Variants in DIAPH2 observed in about 807,000 individuals in gnomAD.
The protein encoded by DIAPH2 is diaphanous related formin 2.
Under a neutral mutation model 92.7 loss-of-function variants are expected in DIAPH2, and 35 were observed. The ratio of observed to expected loss-of-function variants is 0.38; its 90% CI spans 0.29 to 0.50. The LOEUF is 0.50. Among genes scored for constraint, DIAPH2 ranks in the 20% least tolerant of loss-of-function variants. The pLI is 0.94. For missense variants in DIAPH2, 701 were observed against 819.5 expected, an observed-to-expected ratio of 0.86 and a Z score of 1.77; for synonymous variants, 301 against 280.4, an observed-to-expected ratio of 1.07 and a Z score of -0.73.
chrX:97,383,961 G>A lies in DIAPH2; in HGVS notation c.3062G>A (p.Arg1021Lys), dbSNP rs1456669469. 8.3e-6 allele frequency: 10 copies of A among 1,203,039 alleles called. No individual in the cohort carries two copies. The highest frequency in any genetic ancestry group is 7.0e-5 in the African/African-American group (4 of 56,802). Residue 1021 changes from arginine to lysine, a missense_variant, in exon 25 of 27, where the codon AGG (arginine) becomes AAG (lysine). This residue lies in a region of DIAPH2 where 536 missense variants were observed against 599.3 expected (regional missense o/e 0.89). Coordinates refer to ENST00000324765, the MANE Select transcript of DIAPH2 (RefSeq NM_006729.5). ...AGAGAAATGGAAGAGAAGACCAGGA[G>A]GGCAAAACTTGCAAAAGAGAAAGCT... ...KRREMEEKTR[R>K]AKLAKEKAEQ...
chrX:96,901,882 G>C (rs939699759), intron 5 of DIAPH2, among the ~76,000 whole-genome samples: 12 of 111,107 alleles, frequency 1.1e-4, no homozygotes, highest in African/African-American at 3.9e-4. Context: ...ACATTAGGTT[G>C]TCAATTTGTG....
chrX:96,778,375 ATTATG>A (rs1457993500), intron 4 of DIAPH2, among the ~76,000 whole-genome samples: 2 of 110,611 alleles, frequency 1.8e-5, no homozygotes, highest in Non-Finnish European at 3.8e-5. Context: ...AATTGTTAAC[ATTATG>A]TTATATTTGC....
intron 24 of DIAPH2, among the ~76,000 whole-genome samples, chrX:97,356,355 C>A (rs906918978): frequency 1.8e-5 from 2 of 111,328 alleles, no homozygotes; most frequent in Non-Finnish European, 3.8e-5. Flanking sequence ...CAAATAGAGC[C>A]CTAAGGGCCC....
In DIAPH2 at chrX:97,596,260, A is replaced by G. The variant is rs771126970; in HGVS notation, c.3242-2993A>G. ...AGAATATGACAAATCATGTTACCCC[A>G]TCCTCCAATCAAGCGTGTTTTTCTG... is the stretch of plus-strand genomic sequence containing the variant. On this transcript the variant is annotated intron_variant, in intron 26 of 26. Coordinates refer to ENST00000324765, the MANE Select transcript of DIAPH2 (RefSeq NM_006729.5). Among the ~76,000 whole-genome samples, 3 of 111,827 alleles carry G rather than the reference A, an allele frequency of 2.7e-5. No individual in the cohort carries two copies. In the South Asian group the frequency reaches 1.1e-3, roughly 42 times the overall value.
chrX:97,265,583 A>G (rs971913220), intron 23 of DIAPH2, among the ~76,000 whole-genome samples: 1 of 112,078 alleles, frequency 8.9e-6, no homozygotes, highest in South Asian at 3.7e-4. Flanking sequence ...GAAAGATTCC[A>G]GACATGTAAA....
intron 16 of DIAPH2, among the ~76,000 whole-genome samples, chrX:96,962,492 C>CATATATAT (rs1356349349): frequency 4.6e-4 from 9 of 19,547 alleles, no homozygotes; most frequent in African/African-American, 1.2e-3. Context: ...CACACACACA[C>CATATATAT]ACACATATAT....
At position 97,334,935 on chromosome X, in the gene DIAPH2, C is replaced by T. The variant is rs1001199533; in HGVS notation, c.2845-13181C>T. 3.0e-5 allele frequency among the ~76,000 whole-genome samples: 3 copies of T among 99,613 alleles called. No homozygotes were observed. In the Admixed American group the frequency reaches 3.5e-4, roughly 12 times the overall value. 86.5% of individuals were successfully genotyped at this position (99,613 alleles called of 115,157 possible). On this transcript the variant is annotated intron_variant, in intron 23 of 26. Coordinates refer to ENST00000324765, the MANE Select transcript of DIAPH2 (RefSeq NM_006729.5). Reference sequence around the variant, plus strand: ...GGCGGAGGTTGCAGTGAGCCGAGAACGCACCACTGCACTCCAGCCGAGGCG... The same window carrying T: ...GGCGGAGGTTGCAGTGAGCCGAGAATGCACCACTGCACTCCAGCCGAGGCG...
chrX:96,766,553 T>TG (rs1421166009), intron 4 of DIAPH2, among the ~76,000 whole-genome samples: 1 of 111,646 alleles, frequency 9.0e-6, no homozygotes, highest in East Asian at 2.8e-4. Context: ...TTTTGCATCA[T>TG]GGTCTCAATC....
At chrX:96,938,583 A>G (rs766792408) in intron 11 of DIAPH2, among the ~76,000 whole-genome samples, 1 of 111,479 alleles carries the variant, frequency 9.0e-6, no homozygotes, top group East Asian at 2.8e-4. Context: ...AGGATATTGA[A>G]TTACATCTTG....
At chrX:97,108,982 A>G (rs2066961325) in intron 20 of DIAPH2, among the ~76,000 whole-genome samples, 1 of 111,982 alleles carries the variant, frequency 8.9e-6, no homozygotes, top group African/African-American at 3.2e-5. Flanking sequence ...GGGTGTTTAC[A>G]TCATGTCAGT....
intron 4 of DIAPH2, among the ~76,000 whole-genome samples, chrX:96,857,864 G>A (rs1026657281): frequency 8.9e-6 from 1 of 112,318 alleles, no homozygotes; most frequent in African/African-American, 3.2e-5. Context: ...TAATATATGT[G>A]CAAATGCTTG....
intron 4 of DIAPH2, among the ~76,000 whole-genome samples, chrX:96,878,833 A>T (rs1023613523): frequency 3.6e-5 from 4 of 112,282 alleles, no homozygotes; most frequent in Non-Finnish European, 7.5e-5. Flanking sequence ...TCAGCATACC[A>T]TACAGTGTCT....
chrX:97,041,413 G>C (rs977100427), intron 17 of DIAPH2, among the ~76,000 whole-genome samples: 1 of 111,313 alleles, frequency 9.0e-6, no homozygotes, highest in South Asian at 3.7e-4. Flanking sequence ...GTGCAGTGTG[G>C]GAGCTATGTT....
chrX:97,329,891 GACACACACACACAC>G (rs201851023), intron 23 of DIAPH2, among the ~76,000 whole-genome samples: 83 of 79,443 alleles, frequency 1.0e-3, no homozygotes, highest in South Asian at 1.7e-3. Flanking sequence ...TGCATTCTTA[GACACACACACACAC>G]ACACACACAC....
intron 26 of DIAPH2, among the ~76,000 whole-genome samples, chrX:97,453,606 GA>G (rs1367757874): frequency 4.5e-5 from 5 of 111,765 alleles, no homozygotes; most frequent in Non-Finnish European, 7.5e-5. Flanking sequence ...TGTCTAGTAT[GA>G]AAAGAGAAAC....
chrX:97,027,380 CTTAA>C (rs2066342684), intron 17 of DIAPH2, among the ~76,000 whole-genome samples: 2 of 112,082 alleles, frequency 1.8e-5, no homozygotes, highest in African/African-American at 6.5e-5. Context: ...CTTAGCAATA[CTTAA>C]TTGTGTTACA....
intron 17 of DIAPH2, among the ~76,000 whole-genome samples, chrX:97,025,678 C>CAAAA (rs1313813047): frequency 1.8e-5 from 2 of 109,713 alleles, no homozygotes; most frequent in Non-Finnish European, 3.8e-5. Context: ...AACAAACAAA[C>CAAAA]AAAAAAACAA....
At chrX:97,147,072 G>A (rs951736669) in intron 22 of DIAPH2, among the ~76,000 whole-genome samples, 1 of 111,392 alleles carries the variant, frequency 9.0e-6, no homozygotes, top group Admixed American at 9.6e-5. Context: ...AAGTAGGCAA[G>A]GTGAGGGAAG....
chrX:97,312,327 C>T (rs2068801329), intron 23 of DIAPH2, among the ~76,000 whole-genome samples: 1 of 95,007 alleles, frequency 1.1e-5, no homozygotes. Context: ...TATTTGATCA[C>T]TTTTGATCAA....
Sources: gnomAD v4.1 joint callset for allele counts (sites outside exome capture counted in the v4.1 genomes callset) on GRCh38, gnomAD v4.1.1 for gene constraint, gnomAD v4.1.1 regional missense constraint, MANE v1.5 for transcripts, NCBI Gene and HGNC (gene_info 2026-07-23, HGNC 2026-07-21) for gene names.